MAEL: variants seen among roughly 807,000 people sequenced by gnomAD.
MAEL encodes maelstrom spermatogenic transposon silencer, also known as protein maelstrom homolog.
Under a neutral mutation model 62.0 loss-of-function variants are expected in MAEL, and 46 were observed. The observed-to-expected ratio is 0.74, with a 90% confidence interval of 0.59 to 0.95. The LOEUF (loss-of-function observed/expected upper bound fraction) is 0.95. MAEL is among the 40% of genes least tolerant of loss of function. The probability of loss-of-function intolerance (pLI) is 0.00; values close to 1 mark genes in which losing one functional copy is unlikely to be tolerated. For missense variants in MAEL, 497 were observed against 526.8 expected (o/e 0.94, Z 0.55); for synonymous variants, 172 against 175.5 (o/e 0.98, Z 0.16).
intron 1 of MAEL, among the ~76,000 whole-genome samples, chr1:166,980,641 G>A (rs893312217): frequency 2.0e-5 from 3 of 152,206 alleles, no homozygotes; most frequent in African/African-American, 7.2e-5. Flanking sequence ...GAAAGTTACA[G>A]AGCCAGAGAT....
rs183114307 is a variant in MAEL at position 166,996,958 on chromosome 1, C to A, written c.523+2889C>A. Reference sequence around the variant, plus strand: ...TCTCCTGCCTCAGCCTCCTGAGTAGCTGGGATTACAGGTGTGCATCACCAT... The same window carrying A: ...TCTCCTGCCTCAGCCTCCTGAGTAGATGGGATTACAGGTGTGCATCACCAT... On this transcript the variant is annotated intron_variant, in intron 5 of 11. Coordinates refer to ENST00000367872, the MANE Select transcript of MAEL (RefSeq NM_032858.3). 2.8e-3 allele frequency among the ~76,000 whole-genome samples: 423 copies of A among 152,322 alleles called. 1 individual carries two copies. Among genetic ancestry groups the A allele is most frequent in the Admixed American group, 4.7e-3 (72 of 15,308 alleles).
chr1:167,009,549 T>C (rs1234960155), intron 8 of MAEL, among the ~76,000 whole-genome samples: 1 of 151,978 alleles, frequency 6.6e-6, no homozygotes, highest in Non-Finnish European at 1.5e-5. Context: ...AGACATTTGG[T>C]GAGCCCTTTC....
intron 8 of MAEL, among the ~76,000 whole-genome samples, chr1:167,006,910 A>G (rs1335649058): frequency 6.6e-6 from 1 of 151,984 alleles, no homozygotes; most frequent in Non-Finnish European, 1.5e-5. Flanking sequence ...TGCTGGGATT[A>G]CATGCGTGAG....
intron 5 of MAEL, among the ~76,000 whole-genome samples, chr1:167,001,833 G>A (rs1664682172): frequency 6.6e-6 from 1 of 152,206 alleles, no homozygotes; most frequent in Non-Finnish European, 1.5e-5. Flanking sequence ...CCAGGCTAGA[G>A]TGCAGTGGCA....
chr1:166,993,604 T>C (rs1358773534), intron 4 of MAEL, among the ~76,000 whole-genome samples: 1 of 152,208 alleles, frequency 6.6e-6, no homozygotes, highest in Non-Finnish European at 1.5e-5. Context: ...TGTTGCTACT[T>C]AGGACAAGTC....
chr1:167,003,970 C>A (rs1474296509), intron 5 of MAEL, among the ~76,000 whole-genome samples: 1 of 152,112 alleles, frequency 6.6e-6, no homozygotes, highest in Non-Finnish European at 1.5e-5. Flanking sequence ...GTCTCTCATA[C>A]ACACACAGAC....
At chr1:166,977,032 G>A (rs1402487036) in intron 1 of MAEL, among the ~76,000 whole-genome samples, 1 of 152,206 alleles carries the variant, frequency 6.6e-6, no homozygotes, top group African/African-American at 2.4e-5. Flanking sequence ...AACAAGGACA[G>A]TGGAGAATTG....
chr1:167,006,606 T>C lies in MAEL; in HGVS notation c.845+1209T>C, dbSNP rs1313756191. On this transcript the variant is annotated intron_variant, in intron 8 of 11. Transcript: ENST00000367872. Reference sequence around the variant, plus strand: ...GGAAAGTTACTGGTTTTTTACTATATATATATATATATATATATATATATA... The same window carrying C: ...GGAAAGTTACTGGTTTTTTACTATACATATATATATATATATATATATATA... 1.3e-3 allele frequency among the ~76,000 whole-genome samples: 83 copies of C among 63,572 alleles called. 2 individuals are homozygous for C. Among genetic ancestry groups the C allele is most frequent in the African/African-American group, 9.4e-3 (78 of 8,314 alleles). The allele number at this position is 63,572 out of a possible 152,430, so 41.7% of individuals were successfully genotyped here. A position where few individuals can be genotyped will look rare whatever the true frequency, so the allele number is the denominator to read the frequency against.
At chr1:166,989,601 G>A (rs975382866) in intron 1 of MAEL, 117 bp downstream of exon 1, 2 of 1,481,866 alleles carry the variant, frequency 1.3e-6, no homozygotes, top group African/African-American at 2.8e-5. Context: ...AGAGGAAGAG[G>A]AAGGCCCCCG....
chr1:167,004,283 C>T lies in MAEL; in HGVS notation c.627C>T (p.Asn209=). ...LYRFIHPNPG[N]WPPIYCKSDD... Reference sequence around the variant, plus strand: ...GATTTATTCATCCCAACCCAGGGAACTGGCCACCTATCTACTGCAAGGTAA... The same window carrying T: ...GATTTATTCATCCCAACCCAGGGAATTGGCCACCTATCTACTGCAAGGTAA... The change falls in exon 6 of 12, where the codon AAC becomes AAT. Residue 209 remains asparagine (N), a synonymous_variant. Transcript: ENST00000367872. The T allele has an allele frequency of 6.2e-7, 1 of 1,605,996 alleles. No homozygotes were observed. Among genetic ancestry groups the T allele is most frequent in the African/African-American group, 1.3e-5 (1 of 74,736 alleles).
chr1:167,001,963 T>G (rs556356530), intron 5 of MAEL, among the ~76,000 whole-genome samples: 1 of 151,630 alleles, frequency 6.6e-6, no homozygotes, highest in African/African-American at 2.4e-5. Flanking sequence ...GTATTTTTAT[T>G]AGAGACAAGG....
intron 1 of MAEL, among the ~76,000 whole-genome samples, chr1:166,975,894 G>A (rs1663562577): frequency 6.6e-6 from 1 of 152,138 alleles, no homozygotes; most frequent in Non-Finnish European, 1.5e-5. Context: ...CGGGGAGAGA[G>A]TGACAGCGGC....
chr1:167,004,776 T>C (rs974587098), intron 6 of MAEL, among the ~76,000 whole-genome samples: 2 of 152,180 alleles, frequency 1.3e-5, no homozygotes, highest in African/African-American at 4.8e-5. Context: ...GTGAAGTGAT[T>C]ATCTGATCTT....
At chr1:166,996,112 A>G (rs1664413393) in intron 5 of MAEL, among the ~76,000 whole-genome samples, 1 of 152,250 alleles carries the variant, frequency 6.6e-6, no homozygotes, top group Non-Finnish European at 1.5e-5. Context: ...ATTAAATAAG[A>G]TAAAAATGAC....
At chr1:166,988,299 G>T (rs1332580468), upstream of MAEL, among the ~76,000 whole-genome samples, 14 of 149,782 alleles carry the variant, frequency 9.3e-5, no homozygotes, top group Admixed American at 3.3e-4. Context: ...GCAGTGAGCC[G>T]GGATCGTGCC....
At chr1:167,018,048 G>A in intron 10 of MAEL, 89 bp downstream of exon 10, 1 of 1,319,598 alleles carries the variant, frequency 7.6e-7, no homozygotes, top group Non-Finnish European at 1.0e-6. Context: ...ATCAGCCTTT[G>A]TTTGGTTCTT....
chr1:167,006,126 T>C (rs1369542998), intron 8 of MAEL: 1 of 152,062 alleles, frequency 6.6e-6, no homozygotes, highest in East Asian at 1.9e-4. Flanking sequence ...AACATTTATA[T>C]TACCATAGTG....
intron 8 of MAEL, 187 bp from the exon 9 acceptor site, chr1:167,016,035 G>A (rs1665374618): frequency 1.6e-6 from 1 of 622,194 alleles, no homozygotes; most frequent in Non-Finnish European, 2.9e-6. Context: ...AGGTTGCGTA[G>A]TATCATGAAT....
At chr1:166,992,069 G>C (rs1179056998) in intron 3 of MAEL, among the ~76,000 whole-genome samples, 1 of 152,140 alleles carries the variant, frequency 6.6e-6, no homozygotes, top group Non-Finnish European at 1.5e-5. Context: ...TATGGAACTT[G>C]CCAAGAAGAG....
Sources: gnomAD v4.1 joint callset for allele counts (sites outside exome capture counted in the v4.1 genomes callset) on GRCh38, gnomAD v4.1.1 for gene constraint, MANE v1.5 for transcripts, NCBI Gene and HGNC (gene_info 2026-07-23, HGNC 2026-07-21) for gene names.